CDH13: variants seen among roughly 807,000 people sequenced by gnomAD.
CDH13 encodes the protein cadherin-13.
Under a neutral mutation model 63.8 loss-of-function variants are expected in CDH13, and 24 were observed. The observed-to-expected ratio is 0.38, with a 90% CI of 0.27 to 0.53. CDH13 has a LOEUF of 0.53. Among genes scored for constraint, CDH13 ranks in the 20% least tolerant of loss-of-function variants. The pLI, the probability that CDH13 is intolerant of heterozygous loss-of-function variation, is 0.85. For synonymous variants in CDH13, 503 were observed against 355.3 expected, an observed-to-expected ratio of 1.42 and a Z score of -4.67; for missense variants, 1,049 against 903.1, an observed-to-expected ratio of 1.16 and a Z score of -2.07.
intron 3 of CDH13, among the ~76,000 whole-genome samples, chr16:83,100,194 T>C (rs1184116706): frequency 6.6e-6 from 1 of 152,110 alleles, no homozygotes; most frequent in African/African-American, 2.4e-5. Context: ...AAGATAAAAA[T>C]TAAATCCCTG....
At chr16:83,668,703 G>A (rs1914228871) in intron 8 of CDH13, among the ~76,000 whole-genome samples, 1 of 152,202 alleles carries the variant, frequency 6.6e-6, no homozygotes, top group African/African-American at 2.4e-5. Context: ...CTGGAAACCA[G>A]GAGACTTAGG....
intron 7 of CDH13, among the ~76,000 whole-genome samples, chr16:83,553,421 C>G (rs2075545569): frequency 6.6e-6 from 1 of 152,156 alleles, no homozygotes; most frequent in Admixed American, 6.6e-5. Context: ...CTTGCTAGCT[C>G]TTTTCTATGC....
At chr16:83,769,210 A>T (rs1322524744) in intron 11 of CDH13, among the ~76,000 whole-genome samples, 1 of 152,210 alleles carries the variant, frequency 6.6e-6, no homozygotes, top group African/African-American at 2.4e-5. Flanking sequence ...GAGACTTCCA[A>T]CTGGTGGCTG....
intron 6 of CDH13, among the ~76,000 whole-genome samples, chr16:83,428,387 C>G (rs1221235629): frequency 1.3e-5 from 2 of 151,496 alleles, no homozygotes; most frequent in African/African-American, 2.4e-5. Context: ...TTTTTTAACT[C>G]CAATATTTTC....
chr16:83,409,036 G>C (rs900912575), intron 6 of CDH13, among the ~76,000 whole-genome samples: 4 of 152,124 alleles, frequency 2.6e-5, no homozygotes, highest in Admixed American at 2.0e-4. Context: ...GGTTTCCACA[G>C]ATGCTGATGC....
At chr16:82,753,924 C>A (rs1444988971) in intron 1 of CDH13, among the ~76,000 whole-genome samples, 1 of 152,208 alleles carries the variant, frequency 6.6e-6, no homozygotes, top group South Asian at 2.1e-4. Flanking sequence ...ACTATTTCTT[C>A]TCTGAAGTAG....
At chr16:82,824,259 G>A (rs1241813697) in intron 1 of CDH13, 1 of 151,790 alleles carries the variant, frequency 6.6e-6, no homozygotes. Context: ...TTATTTATAG[G>A]TTACCTTACA....
At chr16:83,204,561 C>A (rs764078920) in intron 4 of CDH13, among the ~76,000 whole-genome samples, 5 of 152,168 alleles carry the variant, frequency 3.3e-5, no homozygotes, top group Non-Finnish European at 5.9e-5. Flanking sequence ...AGGAGTGAGG[C>A]TCAGAGAGGC....
At chr16:83,080,871 G>GTTTTTTTGTT (rs2033184547) in intron 3 of CDH13, among the ~76,000 whole-genome samples, 1 of 46,928 alleles carries the variant, frequency 2.1e-5, no homozygotes, top group African/African-American at 9.3e-5. Flanking sequence ...TTGTTTTTGT[G>GTTTTTTTGTT]TTTTTTTTTT....
chr16:82,775,704 C>G (rs996783432), intron 1 of CDH13, among the ~76,000 whole-genome samples: 1 of 152,162 alleles, frequency 6.6e-6, no homozygotes, highest in Non-Finnish European at 1.5e-5. Context: ...AATTAATGAT[C>G]TTAATACGCA....
chr16:83,003,602 A>G (rs1487842163), intron 2 of CDH13, among the ~76,000 whole-genome samples: 1 of 152,240 alleles, frequency 6.6e-6, no homozygotes, highest in Non-Finnish European at 1.5e-5. Flanking sequence ...ACTTGAATAT[A>G]TCACATTGGT....
chr16:82,676,411 T>C (rs999458039), intron 1 of CDH13, among the ~76,000 whole-genome samples: 1 of 151,740 alleles, frequency 6.6e-6, no homozygotes, highest in African/African-American at 2.4e-5. Context: ...TTTTGTCTGC[T>C]AAATATCTCA....
chr16:83,683,812 G>A (rs1349939395), intron 10 of CDH13, among the ~76,000 whole-genome samples: 1 of 152,120 alleles, frequency 6.6e-6, no homozygotes, highest in East Asian at 1.9e-4. Flanking sequence ...TTGTTTTTAT[G>A]TCTAGGCAGT....
chr16:82,689,164 CAT>C (rs1491318529), intron 1 of CDH13: 6 of 115,484 alleles, frequency 5.2e-5, no homozygotes, highest in Non-Finnish European at 1.1e-4. Context: ...TGCATCCAAA[CAT>C]TTTTTTTTTT....
chr16:83,654,168 C>T (rs970798989), intron 8 of CDH13, among the ~76,000 whole-genome samples: 1 of 151,984 alleles, frequency 6.6e-6, no homozygotes, highest in Non-Finnish European at 1.5e-5. Context: ...TTGTAGGCAG[C>T]CAGCATGACT....
chr16:82,659,685 A>G (rs1392167962), intron 1 of CDH13, among the ~76,000 whole-genome samples: 1 of 152,164 alleles, frequency 6.6e-6, no homozygotes, highest in East Asian at 1.9e-4. Flanking sequence ...CAATGGGGGT[A>G]ACATGGACTA....
At chr16:82,943,947 A>G (rs1025429514) in intron 2 of CDH13, among the ~76,000 whole-genome samples, 1 of 152,206 alleles carries the variant, frequency 6.6e-6, no homozygotes, top group Non-Finnish European at 1.5e-5. Context: ...AAGAGGGCCC[A>G]GGCAATGTTG....
In CDH13 at chr16:83,418,719, A is replaced by G. The variant is rs183397757; in HGVS notation, c.782-67758A>G. ...GAGAGAGAGAGAGACAGAGAATATC[A>G]TGGTGATGAGTGCTAGGACATTGTC... On this transcript the variant is annotated intron_variant, in intron 6 of 13. Coordinates refer to ENST00000567109, the MANE Select transcript of CDH13 (RefSeq NM_001257.5). Among the ~76,000 whole-genome samples the G allele has an allele frequency of 3.9e-5, 6 of 152,274 alleles. No individual in the cohort carries two copies. In the East Asian group the frequency reaches 7.7e-4, roughly 20 times the overall value.
chr16:82,788,214 A>G (rs2036117423), intron 1 of CDH13, among the ~76,000 whole-genome samples: 1 of 152,190 alleles, frequency 6.6e-6, no homozygotes, highest in African/African-American at 2.4e-5. Context: ...GGTCCTCTGC[A>G]CAGGCGTTGT....
Sources: allele counts gnomAD v4.1 joint callset (sites outside exome capture counted in the v4.1 genomes callset), GRCh38; gene constraint gnomAD v4.1.1; transcripts MANE v1.5; gene names NCBI Gene and HGNC (gene_info 2026-07-23, HGNC 2026-07-21).